The following MAP2 variants were observed in gnomAD, a reference collection of about 807,000 sequenced individuals.
MAP2 encodes microtubule associated protein 2.
Under a neutral mutation model 137.6 loss-of-function variants are expected in MAP2, and 14 were observed. That is an observed-to-expected ratio of 0.10 (90% CI 0.07 to 0.16). The LOEUF (loss-of-function observed/expected upper bound fraction) is 0.16. Among genes scored for constraint, MAP2 ranks in the 10% least tolerant of loss-of-function variants. The pLI, the probability that MAP2 is intolerant of heterozygous loss-of-function variation, is 1.00. For synonymous variants in MAP2, 786 were observed against 782.3 expected (o/e 1.00, Z -0.08); for missense variants, 2,088 against 2,191.5 (o/e 0.95, Z 0.94).
intron 3 of MAP2, among the ~76,000 whole-genome samples, chr2:209,604,322 A>G (rs1002532133): frequency 2.0e-5 from 3 of 152,156 alleles, no homozygotes; most frequent in African/African-American, 7.2e-5. Context: ...ACTAATCCAG[A>G]TGAGCTAATT....
chr2:209,429,095 A>C (rs1693481099), intron 1 of MAP2, among the ~76,000 whole-genome samples: 1 of 151,934 alleles, frequency 6.6e-6, no homozygotes. Context: ...CTGGGACTAC[A>C]GGCGCCCGCC....
At chr2:209,571,547 G>T (rs933978106) in intron 2 of MAP2, among the ~76,000 whole-genome samples, 1 of 151,944 alleles carries the variant, frequency 6.6e-6, no homozygotes, top group African/African-American at 2.4e-5. Flanking sequence ...GAGAGTCTTA[G>T]TTGTTCAACT....
At chr2:209,719,074 G>A (rs914115485) in intron 13 of MAP2, among the ~76,000 whole-genome samples, 2 of 152,184 alleles carry the variant, frequency 1.3e-5, no homozygotes, top group South Asian at 4.1e-4. Flanking sequence ...AAGAACAAAG[G>A]AAGGCTTAAT....
intron 3 of MAP2, among the ~76,000 whole-genome samples, chr2:209,611,475 TATATA>T (rs1444638349): frequency 6.6e-6 from 1 of 151,706 alleles, no homozygotes; most frequent in Non-Finnish European, 1.5e-5. Context: ...AAAAAATATA[TATATA>T]ATATAATTTA....
rs552515805 is a variant in MAP2 at position 209,435,475 on chromosome 2, A to G, written c.-222+11199A>G. On this transcript the variant is annotated intron_variant, in intron 1 of 15. Transcript: ENST00000682079. ...CACTGAGGTGACAGTGAGCAAAGCA[A>G]ACCAGATTGCATGTAATAGAGGGTT... Among the ~76,000 whole-genome samples, 19 of 151,804 alleles carry G rather than the reference A, an allele frequency of 1.3e-4. No individual in the cohort carries two copies. The South Asian group carries it at 3.9e-3, about 32-fold the overall frequency.
chr2:209,530,009 C>T (rs2064860346), intron 2 of MAP2, among the ~76,000 whole-genome samples: 1 of 148,638 alleles, frequency 6.7e-6, no homozygotes, highest in Non-Finnish European at 1.5e-5. Context: ...GGAAGAATTA[C>T]AAAAAATTTA....
chr2:209,609,978 C>A lies in MAP2; in HGVS notation c.-106-15075C>A, dbSNP rs546261984. 5.3e-5 allele frequency among the ~76,000 whole-genome samples: 8 copies of A among 152,066 alleles called. No homozygotes were observed. The East Asian group carries it at 1.5e-3, about 29-fold the overall frequency. On this transcript the variant is annotated intron_variant, in intron 3 of 15. Transcript: ENST00000682079. The stretch of plus-strand genomic sequence containing the variant: ...ACTAAGTGTTTATGATCTGAATAAA[C>A]AAAAATAATTATGGTTCATGTCCTC...
At chr2:209,461,044 C>T (rs778187462) in intron 1 of MAP2, among the ~76,000 whole-genome samples, 1 of 151,822 alleles carries the variant, frequency 6.6e-6, no homozygotes, top group Non-Finnish European at 1.5e-5. Flanking sequence ...CCACTGTGCC[C>T]GGCCAAAAAA....
intron 3 of MAP2, among the ~76,000 whole-genome samples, chr2:209,618,476 G>A (rs1386390356): frequency 6.6e-6 from 1 of 152,086 alleles, no homozygotes; most frequent in Non-Finnish European, 1.5e-5. Context: ...GGCAAGATAA[G>A]TCTTACGACA....
At chr2:209,484,986 T>C (rs1002980970) in intron 1 of MAP2, among the ~76,000 whole-genome samples, 6 of 152,220 alleles carry the variant, frequency 3.9e-5, no homozygotes, top group African/African-American at 1.4e-4. Flanking sequence ...TTGTGCACCA[T>C]GTCTGCAACT....
chr2:209,430,782 C>T (rs992029), intron 1 of MAP2, among the ~76,000 whole-genome samples: 10,604 of 152,210 alleles, frequency 0.07, 467 homozygotes, highest in Middle Eastern at 0.1. Flanking sequence ...ACTTAAACAT[C>T]AGAAACCAGG....
intron 1 of MAP2, among the ~76,000 whole-genome samples, chr2:209,492,793 AC>A (rs2059285019): frequency 6.6e-6 from 1 of 152,222 alleles, no homozygotes; most frequent in South Asian, 2.1e-4. Context: ...AGGAGAGGAC[AC>A]ACACAAATGG....
intron 3 of MAP2, among the ~76,000 whole-genome samples, chr2:209,599,142 A>C (rs939588876): frequency 2.6e-5 from 4 of 152,142 alleles, no homozygotes; most frequent in Non-Finnish European, 5.9e-5. Flanking sequence ...TTGCCATTCT[A>C]ACTGGTGTGA....
chr2:209,444,445 C>A (rs919001735), intron 1 of MAP2, among the ~76,000 whole-genome samples: 6 of 151,374 alleles, frequency 4.0e-5, no homozygotes, highest in African/African-American at 1.5e-4. Flanking sequence ...GTGAGACTGT[C>A]GGCTGAAATA....
intron 2 of MAP2, among the ~76,000 whole-genome samples, chr2:209,575,345 C>T (rs968278233): frequency 1.3e-5 from 2 of 151,680 alleles, no homozygotes; most frequent in East Asian, 3.9e-4. Flanking sequence ...CACAGTGAAA[C>T]CCCGTCTCTA....
At chr2:209,727,118 A>G (rs1272902627) in intron 14 of MAP2, among the ~76,000 whole-genome samples, 1 of 152,238 alleles carries the variant, frequency 6.6e-6, no homozygotes, top group South Asian at 2.1e-4. Context: ...AGTATTCATT[A>G]TAAAGCAAGT....
In MAP2 at chr2:209,702,645, G is replaced by A. The variant is rs969685895; in HGVS notation, c.4584+2307G>A. On this transcript the variant is annotated intron_variant, in intron 11 of 15. Coordinates refer to ENST00000682079, the MANE Select transcript of MAP2 (RefSeq NM_001375505.1). ...GGTTTTTCTGTTGTTTGTTTGTTTAGCATTAATAGTTGTCTTTCTTAACTA... is the reference window on the plus strand; with the variant it reads ...GGTTTTTCTGTTGTTTGTTTGTTTAACATTAATAGTTGTCTTTCTTAACTA... 2.6e-5 allele frequency among the ~76,000 whole-genome samples: 4 copies of A among 151,796 alleles called. No homozygotes were observed. The South Asian group carries it at 6.2e-4, about 24-fold the overall frequency.
intron 2 of MAP2, among the ~76,000 whole-genome samples, chr2:209,534,567 A>G (rs1244304768): frequency 6.6e-6 from 1 of 152,150 alleles, no homozygotes; most frequent in Non-Finnish European, 1.5e-5. Flanking sequence ...CTCTGTGTAA[A>G]CCTGGTCTAT....
At chr2:209,539,934 GAAA>G (rs397962922) in intron 2 of MAP2, among the ~76,000 whole-genome samples, 2 of 82,138 alleles carry the variant, frequency 2.4e-5, no homozygotes. Flanking sequence ...CCCATCTCAC[GAAA>G]AAAAAAAAAA....
Sources: gnomAD v4.1 joint callset for allele counts (sites outside exome capture counted in the v4.1 genomes callset) on GRCh38, gnomAD v4.1.1 for gene constraint, MANE v1.5 for transcripts, NCBI Gene and HGNC (gene_info 2026-07-23, HGNC 2026-07-21) for gene names.